Variants in SEM1 observed in about 807,000 individuals in gnomAD.
The protein encoded by SEM1 is SEM1 26S proteasome subunit.
In SEM1, 3 loss-of-function variants were observed where a neutral mutation model predicts 12.7. That is an observed-to-expected ratio of 0.24 (90% confidence interval 0.11 to 0.61). The LOEUF is 0.61. SEM1 is among the 20% of genes least tolerant of loss of function. The pLI is 0.88. For missense variants in SEM1, 59 were observed against 81.3 expected (o/e 0.73, Z 1.06); for synonymous variants, 30 against 27.8 (o/e 1.08, Z -0.25).
intron 2 of SEM1, among the ~76,000 whole-genome samples, chr7:96,528,578 T>G (rs1432896550): frequency 6.6e-6 from 1 of 152,258 alleles, no homozygotes; most frequent in Middle Eastern, 3.4e-3. Context: ...GCCATCTTGA[T>G]TCAAAAACAA....
At chr7:96,498,464 A>G (rs905500365), upstream of SEM1, among the ~76,000 whole-genome samples, 2 of 152,136 alleles carry the variant, frequency 1.3e-5, no homozygotes, top group African/African-American at 4.8e-5. Flanking sequence ...GAGTCTTATA[A>G]GGTTTGAGAT....
downstream of SEM1, among the ~76,000 whole-genome samples, chr7:96,685,740 G>A (rs568859670): frequency 6.6e-6 from 1 of 150,848 alleles, no homozygotes; most frequent in African/African-American, 2.4e-5. Context: ...CAGTTATTAA[G>A]GGGAGGTAAG....
intron 2 of SEM1, among the ~76,000 whole-genome samples, chr7:96,517,239 G>A (rs1396317888): frequency 1.3e-5 from 2 of 152,134 alleles, no homozygotes; most frequent in African/African-American, 4.8e-5. Flanking sequence ...GTGATAAAGT[G>A]TCAGTGTAGA....
chr7:96,678,724 G>C (rs1789517571), intron 2 of SEM1, among the ~76,000 whole-genome samples: 1 of 151,918 alleles, frequency 6.6e-6, no homozygotes, highest in Non-Finnish European at 1.5e-5. Flanking sequence ...AAATTTTTCT[G>C]TACCTTGAAA....
At chr7:96,594,139 TGA>T (rs1402352874) in intron 2 of SEM1, among the ~76,000 whole-genome samples, 2 of 152,196 alleles carry the variant, frequency 1.3e-5, no homozygotes, top group African/African-American at 2.4e-5. Flanking sequence ...TTATAATTAG[TGA>T]GATAATGTCA....
At chr7:96,536,211 T>A (rs1385408502) in intron 2 of SEM1, among the ~76,000 whole-genome samples, 2 of 151,900 alleles carry the variant, frequency 1.3e-5, no homozygotes, top group Non-Finnish European at 2.9e-5. Flanking sequence ...TGTGACTTAA[T>A]TTCTAAATAC....
At chr7:96,698,112 A>G (rs894254367) in intron 1 of SEM1, among the ~76,000 whole-genome samples, 3 of 152,186 alleles carry the variant, frequency 2.0e-5, no homozygotes, top group African/African-American at 7.2e-5. Context: ...GAAACAAAGG[A>G]TCAAAATAAC....
chr7:96,561,922 GTAT>G (rs965131958), intron 2 of SEM1, among the ~76,000 whole-genome samples: 49 of 152,098 alleles, frequency 3.2e-4, no homozygotes, highest in African/African-American at 1.2e-3. Flanking sequence ...AGTATTTGTG[GTAT>G]TATTATTATT....
intron 2 of SEM1, among the ~76,000 whole-genome samples, chr7:96,581,313 C>T (rs1336498157): frequency 6.6e-6 from 1 of 152,152 alleles, no homozygotes; most frequent in Non-Finnish European, 1.5e-5. Flanking sequence ...GGGCTCTGTC[C>T]TGTTCCATTG....
intron 1 of SEM1, among the ~76,000 whole-genome samples, chr7:96,706,876 T>C (rs1158700175): frequency 1.3e-5 from 2 of 152,294 alleles, no homozygotes; most frequent in East Asian, 1.9e-4. Flanking sequence ...GAGATGTTCA[T>C]AGGCTGCCTT....
intron 2 of SEM1, among the ~76,000 whole-genome samples, chr7:96,595,959 G>C (rs970708008): frequency 6.6e-5 from 10 of 152,184 alleles, no homozygotes; most frequent in Admixed American, 3.9e-4. Flanking sequence ...AAAGAATAGA[G>C]CAAGCTATGC....
At chr7:96,591,504 G>A (rs1806827093) in intron 2 of SEM1, among the ~76,000 whole-genome samples, 1 of 152,138 alleles carries the variant, frequency 6.6e-6, no homozygotes, top group African/African-American at 2.4e-5. Context: ...TACAAAGGTT[G>A]CCTTAACTGG....
chr7:96,551,210 C>T (rs192313553), intron 2 of SEM1, among the ~76,000 whole-genome samples: 12 of 152,224 alleles, frequency 7.9e-5, no homozygotes, highest in South Asian at 2.1e-4. Flanking sequence ...GTTTTGGCCA[C>T]GTTTACCAAA....
chr7:96,610,916 G>A (rs960750652), intron 2 of SEM1, among the ~76,000 whole-genome samples: 1 of 152,142 alleles, frequency 6.6e-6, no homozygotes, highest in African/African-American at 2.4e-5. Flanking sequence ...AGCAAATGCT[G>A]GGAGAGACTT....
rs754902376 is a variant in SEM1 at position 96,709,794 on chromosome 7, T to G, written c.-31A>C. Reference sequence around the variant, plus strand: ...CTGTCCGCGCCCAACACCTCCCAGATAAGCAGAAAAGTTGGAACCCTCACT... The same window carrying G: ...CTGTCCGCGCCCAACACCTCCCAGAGAAGCAGAAAAGTTGGAACCCTCACT... On this transcript the variant is annotated 5_prime_UTR_variant, in exon 1 of 3. Transcript: ENST00000248566. 11 of 1,610,844 alleles carry G rather than the reference T, an allele frequency of 6.8e-6. No homozygotes were observed. The highest frequency in any genetic ancestry group is 1.3e-5 in the African/African-American group (1 of 74,798).
At chr7:96,575,478 A>T (rs1806173185) in intron 2 of SEM1, among the ~76,000 whole-genome samples, 1 of 152,198 alleles carries the variant, frequency 6.6e-6, no homozygotes, top group Non-Finnish European at 1.5e-5. Flanking sequence ...TCTGTCCCTT[A>T]GCAGAGCTCA....
chr7:96,621,689 T>A (rs1016438089), downstream of SEM1: 1 of 152,226 alleles, frequency 6.6e-6, no homozygotes, highest in Non-Finnish European at 1.5e-5. Flanking sequence ...CATTACCGAA[T>A]ACATACATTA....
chr7:96,590,598 G>C (rs1181761567), intron 2 of SEM1, among the ~76,000 whole-genome samples: 1 of 152,180 alleles, frequency 6.6e-6, no homozygotes, highest in Non-Finnish European at 1.5e-5. Context: ...TGAAAACAAA[G>C]ACATTGCTTA....
upstream of SEM1, among the ~76,000 whole-genome samples, chr7:96,498,998 C>T (rs1294522288): frequency 1.3e-5 from 2 of 152,100 alleles, no homozygotes; most frequent in African/African-American, 2.4e-5. Context: ...CTATAATAGA[C>T]ACTATCCAAC....
Sources: gnomAD v4.1 joint callset for allele counts (sites outside exome capture counted in the v4.1 genomes callset) on GRCh38, gnomAD v4.1.1 for gene constraint, MANE v1.5 for transcripts, NCBI Gene and HGNC (gene_info 2026-07-23, HGNC 2026-07-21) for gene names.